The following RAP1A variants were observed in gnomAD, a reference collection of about 807,000 sequenced individuals.
RAP1A encodes ras-related protein Rap-1A.
RAP1A carries 6 observed loss-of-function variants against 26.4 expected under a neutral mutation model. The ratio of observed to expected loss-of-function variants is 0.23; its 90% CI spans 0.12 to 0.45. RAP1A has a LOEUF of 0.45. RAP1A is among the 20% of genes least tolerant of loss of function. The pLI, the probability that RAP1A is intolerant of heterozygous loss-of-function variation, is 0.99. For missense variants in RAP1A, 121 were observed against 217.2 expected (o/e 0.56, Z 2.78); for synonymous variants, 73 against 79.4 (o/e 0.92, Z 0.43).
chr1:111,570,895 A>G (rs1292258669), intron 1 of RAP1A, among the ~76,000 whole-genome samples: 1 of 152,194 alleles, frequency 6.6e-6, no homozygotes, highest in African/African-American at 2.4e-5. Context: ...CCACTTCCCA[A>G]TTCAGCCACA....
intron 1 of RAP1A, among the ~76,000 whole-genome samples, chr1:111,661,377 G>T (rs1660632357): frequency 1.3e-5 from 2 of 152,192 alleles, no homozygotes; most frequent in Non-Finnish European, 2.9e-5. Flanking sequence ...AGGGATCCAG[G>T]TGTAAGCTGA....
At chr1:111,709,428 C>G (rs1557900620) in intron 7 of RAP1A, among the ~76,000 whole-genome samples, 164 bp downstream of exon 7, 2 of 152,258 alleles carry the variant, frequency 1.3e-5, no homozygotes, top group East Asian at 1.9e-4. Flanking sequence ...ATAACTTGCC[C>G]TCTCCCCTTG....
chr1:111,567,031 T>G (rs934636621), intron 1 of RAP1A, among the ~76,000 whole-genome samples: 1 of 152,178 alleles, frequency 6.6e-6, no homozygotes, highest in Non-Finnish European at 1.5e-5. Context: ...GAGGCCATAT[T>G]TTTTCATCCA....
rs1466560990 is a variant in RAP1A, at chr1:111,580,791, G to A, written c.-28+38282G>A. ...GAACCCGGGAGGCAGAGGTTGTAAT[G>A]AGCCGAGATCGTGCCACTGCACTCT... On this transcript the variant is annotated intron_variant, in intron 1 of 7. Transcript: ENST00000356415. Among the ~76,000 whole-genome samples, 32 of 151,992 alleles carry A rather than the reference G, an allele frequency of 2.1e-4. 1 individual carries two copies. The highest frequency in any genetic ancestry group is 6.5e-5 in the Admixed American group (1 of 15,280).
chr1:111,573,471 AC>A (rs1658088383), intron 1 of RAP1A, among the ~76,000 whole-genome samples: 1 of 152,066 alleles, frequency 6.6e-6, no homozygotes, highest in South Asian at 2.1e-4. Context: ...AGTAGCTGGG[AC>A]TACAGGGATG....
chr1:111,561,843 C>T (rs368972213), intron 1 of RAP1A, among the ~76,000 whole-genome samples: 30 of 152,224 alleles, frequency 2.0e-4, no homozygotes, highest in Non-Finnish European at 2.5e-4. Context: ...TCCATTCCCA[C>T]GGCTATAGTC....
upstream of RAP1A, among the ~76,000 whole-genome samples, chr1:111,619,429 A>C (rs1659092756): frequency 6.6e-6 from 1 of 152,128 alleles, no homozygotes; most frequent in Non-Finnish European, 1.5e-5. Flanking sequence ...TTGCCTGTCT[A>C]TGACTTTAAA....
At chr1:111,709,094 G>T in intron 6 of RAP1A, 55 bp from the exon 7 acceptor site, 1 of 1,561,940 alleles carries the variant, frequency 6.4e-7, no homozygotes, top group Non-Finnish European at 8.6e-7. Flanking sequence ...TTGTTTTGTG[G>T]AACAAAGTCT....
chr1:111,634,505 G>T (rs909202481), intron 1 of RAP1A, among the ~76,000 whole-genome samples: 9 of 148,272 alleles, frequency 6.1e-5, no homozygotes, highest in African/African-American at 2.2e-4. Flanking sequence ...CTGATGTATG[G>T]GTTATAGATA....
chr1:111,706,285 A>T (rs1662189096), intron 6 of RAP1A, among the ~76,000 whole-genome samples: 1 of 151,944 alleles, frequency 6.6e-6, no homozygotes, highest in Non-Finnish European at 1.5e-5. Flanking sequence ...CAGCTACAGG[A>T]TTTCTTTGGT....
intron 1 of RAP1A, among the ~76,000 whole-genome samples, chr1:111,634,857 A>T (rs12128357): frequency 0.065 from 9,794 of 151,830 alleles, 327 homozygotes; most frequent in African/African-American, 0.084. Context: ...GTTGGCCAGG[A>T]TGGTCTCGAT....
intron 1 of RAP1A, among the ~76,000 whole-genome samples, chr1:111,670,688 A>G (rs1660946368): frequency 1.3e-5 from 2 of 152,226 alleles, no homozygotes; most frequent in African/African-American, 4.8e-5. Flanking sequence ...TGGTAAAATG[A>G]CCAGAAGTAA....
chr1:111,659,677 C>T (rs1660572925), intron 1 of RAP1A, among the ~76,000 whole-genome samples: 2 of 151,994 alleles, frequency 1.3e-5, no homozygotes, highest in Admixed American at 1.3e-4. Context: ...ATTCATTGCC[C>T]TCCCTTGTTG....
intron 1 of RAP1A, among the ~76,000 whole-genome samples, chr1:111,579,732 C>T (rs998022712): frequency 6.6e-6 from 1 of 152,084 alleles, no homozygotes; most frequent in African/African-American, 2.4e-5. Context: ...TGTTAGTTTA[C>T]CTTGAGTAAA....
At chr1:111,593,130 T>G (rs1279965385) in intron 1 of RAP1A, among the ~76,000 whole-genome samples, 1 of 152,108 alleles carries the variant, frequency 6.6e-6, no homozygotes, top group East Asian at 1.9e-4. Context: ...GTGAGATCAG[T>G]GCTGTGGCTT....
intron 3 of RAP1A, 29 bp from the exon 4 acceptor site, chr1:111,697,412 T>A (rs1323816297): frequency 6.2e-7 from 1 of 1,603,592 alleles, no homozygotes; most frequent in Admixed American, 1.7e-5. Flanking sequence ...TGTTACTCTT[T>A]AACCTTTTTT....
chr1:111,577,846 T>C (rs2101058838), intron 1 of RAP1A, among the ~76,000 whole-genome samples: 1 of 152,338 alleles, frequency 6.6e-6, no homozygotes, highest in Admixed American at 6.5e-5. Context: ...GTTGGGGCTG[T>C]GGGCCTATAT....
chr1:111,698,498 A>T (rs1053884413), intron 4 of RAP1A, among the ~76,000 whole-genome samples: 1 of 152,002 alleles, frequency 6.6e-6, no homozygotes, highest in Non-Finnish European at 1.5e-5. Context: ...CGAACTCCTG[A>T]CCTCAAGTGT....
Position 111,713,810 on chromosome 1 carries a change from C to A in RAP1A, c.*1409C>A, listed in dbSNP as rs940261639. 10 of 152,214 alleles carry A rather than the reference C, an allele frequency of 6.6e-5. No homozygotes were observed. Among genetic ancestry groups the A allele is most frequent in the African/African-American group, 2.4e-4 (10 of 41,524 alleles). The allele number at this position is 152,214 out of a possible 1,614,324, so 9.4% of individuals were successfully genotyped here. On this transcript the variant is annotated 3_prime_UTR_variant, in exon 8 of 8. Coordinates refer to ENST00000369709, the MANE Select transcript of RAP1A (RefSeq NM_002884.4). The stretch of plus-strand genomic sequence containing the variant: ...CCCAGGGTGATACTACTTATGTAGT[C>A]TCTATAAAGAGAGGTAGAACAAAAA...
Sources: allele counts gnomAD v4.1 joint callset (sites outside exome capture counted in the v4.1 genomes callset), GRCh38; gene constraint gnomAD v4.1.1; transcripts MANE v1.5; gene names NCBI Gene and HGNC (gene_info 2026-07-23, HGNC 2026-07-21).